NPAS3: variants seen among roughly 807,000 people sequenced by gnomAD.
The protein encoded by NPAS3 is neuronal PAS domain-containing protein 3.
Under a neutral mutation model 73.1 loss-of-function variants are expected in NPAS3, and 14 were observed. The observed-to-expected ratio is 0.19, with a 90% CI of 0.13 to 0.30. The LOEUF (loss-of-function observed/expected upper bound fraction) is 0.30, where lower values mean the gene tolerates loss of function less well. NPAS3 is among the 10% of genes least tolerant of loss of function. NPAS3 has a pLI of 1.00. For missense variants in NPAS3, 1,096 were observed against 1,250.0 expected (o/e 0.88, Z 1.86); for synonymous variants, 620 against 541.5 (o/e 1.14, Z -2.01).
At chr14:33,680,152 A>ATGAT (rs1379990747) in intron 6 of NPAS3, among the ~76,000 whole-genome samples, 4 of 152,130 alleles carry the variant, frequency 2.6e-5, no homozygotes, top group Non-Finnish European at 5.9e-5. Context: ...ATTACTCTTA[A>ATGAT]TGATTCTGCC....
chr14:33,181,939 G>A (rs1017642450), intron 2 of NPAS3, among the ~76,000 whole-genome samples: 1 of 152,138 alleles, frequency 6.6e-6, no homozygotes. Context: ...AAGGTGTACA[G>A]TGCTTTTCAC....
At chr14:33,367,926 CT>C (rs559425871) in intron 4 of NPAS3, among the ~76,000 whole-genome samples, 1 of 151,890 alleles carries the variant, frequency 6.6e-6, no homozygotes, top group Non-Finnish European at 1.5e-5. Context: ...TTATTCAAAA[CT>C]TTTTTTTACT....
chr14:33,238,629 CT>C (rs2048118381), intron 3 of NPAS3, among the ~76,000 whole-genome samples: 2 of 151,970 alleles, frequency 1.3e-5, no homozygotes, highest in African/African-American at 4.8e-5. Context: ...AAAGACGATA[CT>C]GTCTGTAGAT....
chr14:33,461,231 A>C (rs1416054275), intron 4 of NPAS3, among the ~76,000 whole-genome samples: 4 of 152,194 alleles, frequency 2.6e-5, no homozygotes, highest in Admixed American at 2.6e-4. Context: ...TTAGGAATTC[A>C]GTGCTGAGCT....
At chr14:33,745,045 A>G (rs1387966141) in intron 7 of NPAS3, among the ~76,000 whole-genome samples, 1 of 152,026 alleles carries the variant, frequency 6.6e-6, no homozygotes, top group African/African-American at 2.4e-5. Flanking sequence ...ATTCAAGACC[A>G]ATCTGGGCAA....
At chr14:33,798,117 C>T (rs969597633) in intron 11 of NPAS3, among the ~76,000 whole-genome samples, 2 of 152,088 alleles carry the variant, frequency 1.3e-5, no homozygotes, top group Non-Finnish European at 2.9e-5. Context: ...TATTCACATT[C>T]CCACCAAGCT....
At chr14:33,692,121 A>G (rs2060252058) in intron 6 of NPAS3, among the ~76,000 whole-genome samples, 2 of 152,228 alleles carry the variant, frequency 1.3e-5, no homozygotes, top group Admixed American at 1.3e-4. Context: ...TACCTGCAGA[A>G]TGATGAATGC....
chr14:33,382,792 T>G (rs1287008175), intron 4 of NPAS3, among the ~76,000 whole-genome samples: 1 of 152,180 alleles, frequency 6.6e-6, no homozygotes, highest in Non-Finnish European at 1.5e-5. Context: ...ATCCTGTCAC[T>G]TATATTTTTA....
chr14:33,174,621 C>G (rs972146041), intron 2 of NPAS3, among the ~76,000 whole-genome samples: 1 of 152,178 alleles, frequency 6.6e-6, no homozygotes, highest in Non-Finnish European at 1.5e-5. Flanking sequence ...CTAGTGGGCT[C>G]CATCAACTCA....
intron 1 of NPAS3, among the ~76,000 whole-genome samples, chr14:32,965,602 G>A (rs1295128766): frequency 3.3e-5 from 5 of 152,204 alleles, no homozygotes; most frequent in Middle Eastern, 3.4e-3. Flanking sequence ...AGCTAACATC[G>A]TACTGAATGG....
intron 9 of NPAS3, among the ~76,000 whole-genome samples, chr14:33,785,664 A>G (rs763011548): frequency 3.9e-5 from 6 of 152,148 alleles, no homozygotes; most frequent in Admixed American, 6.5e-5. Flanking sequence ...TAATTCATGT[A>G]TGTGTCTAAC....
chr14:33,695,072 C>T (rs1247044501), intron 6 of NPAS3, among the ~76,000 whole-genome samples: 1 of 152,202 alleles, frequency 6.6e-6, no homozygotes, highest in Non-Finnish European at 1.5e-5. Flanking sequence ...CTCCACATCA[C>T]AAAAGGTTAC....
intron 3 of NPAS3, among the ~76,000 whole-genome samples, chr14:33,295,837 A>G (rs991061929): frequency 6.6e-6 from 1 of 152,222 alleles, no homozygotes; most frequent in Admixed American, 6.5e-5. Flanking sequence ...AGTATTGCTC[A>G]CTTATAAGAA....
At chr14:33,797,989 G>A (rs573801570) in intron 11 of NPAS3, among the ~76,000 whole-genome samples, 1 of 151,976 alleles carries the variant, frequency 6.6e-6, no homozygotes, top group South Asian at 2.1e-4. Context: ...ATCACTTAAT[G>A]TCAATCCACT....
intron 3 of NPAS3, among the ~76,000 whole-genome samples, chr14:33,278,793 C>T (rs2041455253): frequency 6.6e-6 from 1 of 151,990 alleles, no homozygotes. Flanking sequence ...TATATCATAC[C>T]ACATTTTGAA....
intron 3 of NPAS3, among the ~76,000 whole-genome samples, chr14:33,318,054 C>G (rs1355574494): frequency 6.6e-6 from 1 of 151,956 alleles, no homozygotes; most frequent in Admixed American, 6.6e-5. Flanking sequence ...GTCCTTATAA[C>G]AGCATTATTC....
intron 3 of NPAS3, among the ~76,000 whole-genome samples, chr14:33,285,760 A>G (rs867975688): frequency 2.8e-4 from 42 of 152,250 alleles, no homozygotes; most frequent in African/African-American, 9.1e-4. Context: ...TCCTGCCTGG[A>G]TTACTCCCCA....
intron 2 of NPAS3, among the ~76,000 whole-genome samples, chr14:33,105,131 C>G (rs1378422080): frequency 6.6e-6 from 1 of 152,104 alleles, no homozygotes; most frequent in Non-Finnish European, 1.5e-5. Context: ...TTAAAAATCA[C>G]CAAACATACA....
At chr14:33,715,255 T>A (rs1030017611) in intron 6 of NPAS3, among the ~76,000 whole-genome samples, 1 of 152,222 alleles carries the variant, frequency 6.6e-6, no homozygotes, top group African/African-American at 2.4e-5. Context: ...GATATTTATA[T>A]GATTTGTTGC....
Sources: gnomAD v4.1 joint callset for allele counts (sites outside exome capture counted in the v4.1 genomes callset) on GRCh38, gnomAD v4.1.1 for gene constraint, MANE v1.5 for transcripts, NCBI Gene and HGNC (gene_info 2026-07-23, HGNC 2026-07-21) for gene names.